The following KIF5C variants were observed in gnomAD, a reference collection of about 807,000 sequenced individuals.
The protein encoded by KIF5C is kinesin family member 5C, also known as kinesin heavy chain isoform 5C.
A neutral mutation model predicts 125.2 loss-of-function variants in KIF5C; 18 were observed. The observed-to-expected ratio is 0.14, with a 90% CI of 0.10 to 0.21. The LOEUF is 0.21. Ranked by LOEUF, KIF5C falls within the 10% of genes least tolerant of loss-of-function variation. KIF5C has a pLI of 1.00. For missense variants in KIF5C, 780 were observed against 1,183.8 expected, an observed-to-expected ratio of 0.66 and a Z score of 5.01; for synonymous variants, 405 against 434.0, an observed-to-expected ratio of 0.93 and a Z score of 0.83.
Position 148,924,359 on chromosome 2 carries a change from G to T in KIF5C, c.217+2132G>T, listed in dbSNP as rs968448591. ...ATAGTCCCCGTGATTCCTGATAATGGGTGGACCAAGGAGCATTCCTTTCAA... is the reference window on the plus strand; with the variant it reads ...ATAGTCCCCGTGATTCCTGATAATGTGTGGACCAAGGAGCATTCCTTTCAA... On this transcript the variant is annotated intron_variant, in intron 2 of 25. Transcript: ENST00000435030. This position sits in a 1 kb window ranked among gnomAD's most constrained non-coding sequence, Gnocchi z 4.0. 7.9e-5 allele frequency among the ~76,000 whole-genome samples: 12 copies of T among 152,060 alleles called. No individual in the cohort carries two copies. The highest frequency in any genetic ancestry group is 2.7e-4 in the African/African-American group (11 of 41,410).
chr2:148,997,215 G>A (rs773339676), intron 17 of KIF5C, 49 bp from the exon 18 acceptor site: 1 of 1,582,144 alleles, frequency 6.3e-7, no homozygotes, highest in Non-Finnish European at 8.6e-7. Context: ...GCTTTTGGGT[G>A]TGAGTCCCAC....
chr2:148,944,368 G>A (rs1282084944), intron 7 of KIF5C, among the ~76,000 whole-genome samples: 3 of 152,106 alleles, frequency 2.0e-5, no homozygotes, highest in Admixed American at 2.0e-4. Context: ...GAATTTGACT[G>A]CTCTAGGTAC....
chr2:148,883,249 C>G (rs1485410373), intron 1 of KIF5C, among the ~76,000 whole-genome samples: 1 of 152,148 alleles, frequency 6.6e-6, no homozygotes, highest in African/African-American at 2.4e-5. Context: ...CACCTGTAAT[C>G]CCAGCACTTT....
At chr2:148,907,250 A>G (rs1416386830) in intron 1 of KIF5C, among the ~76,000 whole-genome samples, 1 of 152,194 alleles carries the variant, frequency 6.6e-6, no homozygotes, top group Non-Finnish European at 1.5e-5. Context: ...CTGACTGGCC[A>G]TGTGGGGGGA....
chr2:148,942,892 A>G (rs1452109071), intron 7 of KIF5C, 132 bp downstream of exon 7: 2 of 1,474,630 alleles, frequency 1.4e-6, no homozygotes, highest in African/African-American at 1.4e-5. Flanking sequence ...GTGCTCGGAC[A>G]CAGACGCCAG....
chr2:148,913,288 AG>A (rs1056079125), intron 1 of KIF5C, among the ~76,000 whole-genome samples: 1 of 152,184 alleles, frequency 6.6e-6, no homozygotes. Flanking sequence ...TCCCAGTCTC[AG>A]CTCAAAGTTT....
At chr2:149,003,401 C>T (rs919929264) in intron 21 of KIF5C, among the ~76,000 whole-genome samples, 8 of 152,222 alleles carry the variant, frequency 5.3e-5, no homozygotes, top group South Asian at 2.1e-4. Flanking sequence ...TCCCTGGCCC[C>T]GGGCAGCTGA....
chr2:148,993,134 G>A (rs1681571454), intron 16 of KIF5C, among the ~76,000 whole-genome samples: 4 of 152,216 alleles, frequency 2.6e-5, no homozygotes. Flanking sequence ...TAGGTCCCCA[G>A]TACTCTGAGG....
Position 148,983,721 on chromosome 2 carries a change from T to C in KIF5C, c.1671T>C (p.Asp557=). 1 of 1,611,816 alleles carries C rather than the reference T, an allele frequency of 6.2e-7. No homozygotes were observed. Among genetic ancestry groups the C allele is most frequent in the Non-Finnish European group, 8.5e-7 (1 of 1,178,786 alleles). ...ATEILNLLLK[D]LGEIGGIIGT... ...AGATCCTGAATTTGCTGTTGAAAGA[T>C]CTGGGGGAGATAGGTGGAATTATTG... The change falls in exon 15 of 26, where the codon GAT becomes GAC. Residue 557 remains aspartate, a synonymous_variant. Coordinates refer to ENST00000435030, the MANE Select transcript of KIF5C (RefSeq NM_004522.3).
chr2:148,997,051 C>T (rs1476210559), intron 17 of KIF5C, among the ~76,000 whole-genome samples: 4 of 152,216 alleles, frequency 2.6e-5, no homozygotes, highest in Admixed American at 6.5e-5. Flanking sequence ...CTGCAGTTGT[C>T]GCGCTCCCCC....
intron 11 of KIF5C, among the ~76,000 whole-genome samples, chr2:148,963,034 A>G (rs535047579): frequency 6.6e-6 from 1 of 150,676 alleles, no homozygotes; most frequent in South Asian, 2.1e-4. Flanking sequence ...AAAATATCTC[A>G]GAGAGCTGAC....
chr2:149,000,978 T>G (rs1360697236), intron 21 of KIF5C, among the ~76,000 whole-genome samples, 196 bp downstream of exon 21: 1 of 152,224 alleles, frequency 6.6e-6, no homozygotes, highest in South Asian at 2.1e-4. Context: ...CATCTATCCT[T>G]AGAGCAGTAA....
At chr2:148,947,745 C>G (rs1394038277) in intron 8 of KIF5C, among the ~76,000 whole-genome samples, 1 of 152,198 alleles carries the variant, frequency 6.6e-6, no homozygotes, top group East Asian at 1.9e-4. Flanking sequence ...GCTGCCACAC[C>G]CTGTCTGGAG....
At chr2:148,922,106 C>A in intron 1 of KIF5C, 31 bp from the exon 2 acceptor site, 2 of 1,491,438 alleles carry the variant, frequency 1.3e-6, no homozygotes, top group Non-Finnish European at 1.8e-6. Context: ...GTTTTTTCCA[C>A]CTTTTTCTTC....
chr2:148,884,472 C>T (rs972757183), intron 1 of KIF5C: 2 of 152,082 alleles, frequency 1.3e-5, no homozygotes, highest in African/African-American at 4.8e-5. Context: ...TATAAAATTT[C>T]AAACATACAC....
intron 16 of KIF5C, among the ~76,000 whole-genome samples, chr2:148,991,586 T>TAGC (rs1681528004): frequency 6.6e-6 from 1 of 152,140 alleles, no homozygotes; most frequent in South Asian, 2.1e-4. Flanking sequence ...ATAGTAGTAG[T>TAGC]AGCAGGTGGC....
chr2:148,957,326 AT>A (rs145302047), intron 10 of KIF5C, among the ~76,000 whole-genome samples: 3 of 151,724 alleles, frequency 2.0e-5, no homozygotes, highest in South Asian at 2.1e-4. Context: ...GAGGAAACTG[AT>A]TTTTTTTTCT....
At chr2:148,994,712 T>C (rs1681617842) in intron 17 of KIF5C, among the ~76,000 whole-genome samples, 174 bp downstream of exon 17, 1 of 152,004 alleles carries the variant, frequency 6.6e-6, no homozygotes, top group South Asian at 2.1e-4. Context: ...TCTTTCTTTT[T>C]TTTTTTTTAA....
chr2:149,019,581 C>CA (rs1682471486), intron 25 of KIF5C, among the ~76,000 whole-genome samples: 1 of 152,172 alleles, frequency 6.6e-6, no homozygotes, highest in Non-Finnish European at 1.5e-5. Flanking sequence ...TCATGGTTCT[C>CA]AGAGTCATAA....
Sources: allele counts gnomAD v4.1 joint callset (sites outside exome capture counted in the v4.1 genomes callset), GRCh38; gene constraint gnomAD v4.1.1; non-coding constraint Gnocchi (gnomAD v3.1); transcripts MANE v1.5; gene names NCBI Gene and HGNC (gene_info 2026-07-23, HGNC 2026-07-21).